Variants in PLD1 observed in about 807,000 individuals in gnomAD.
PLD1 encodes phospholipase D1, also known as choline phosphatase 1.
PLD1 carries 112 observed loss-of-function variants against 137.1 expected under a neutral mutation model. The ratio of observed to expected loss-of-function variants is 0.82; its 90% CI spans 0.70 to 0.96. PLD1 has a LOEUF of 0.96. Ranked by LOEUF, PLD1 falls within the 40% of genes least tolerant of loss-of-function variation. The pLI is 0.00. For synonymous variants in PLD1, 431 were observed against 454.7 expected, an observed-to-expected ratio of 0.95 and a Z score of 0.66; for missense variants, 1,321 against 1,342.0, an observed-to-expected ratio of 0.98 and a Z score of 0.24.
intron 1 of PLD1, among the ~76,000 whole-genome samples, chr3:171,802,507 C>T (rs1723688167): frequency 6.6e-6 from 1 of 152,022 alleles, no homozygotes; most frequent in Non-Finnish European, 1.5e-5. Context: ...GTGCTCCAGG[C>T]AGAGGGAATA....
At chr3:171,709,259 T>C (rs1170673201) in intron 10 of PLD1, among the ~76,000 whole-genome samples, 2 of 152,222 alleles carry the variant, frequency 1.3e-5, no homozygotes, top group African/African-American at 2.4e-5. Context: ...TTTCCTAAAT[T>C]AGGGGTAATG....
Position 171,623,080 on chromosome 3 carries a change from T to C in PLD1, c.2594-2560A>G, listed in dbSNP as rs189538569. On this transcript the variant is annotated intron_variant, in intron 23 of 26. Transcript: ENST00000351298. ...TTGCTCTTGTTCTGGGATAGAACAATTCACCATTAGAAATATGTCAACTCT... is the reference window on the plus strand; with the variant it reads ...TTGCTCTTGTTCTGGGATAGAACAACTCACCATTAGAAATATGTCAACTCT... Among the ~76,000 whole-genome samples, 256 of 152,156 alleles carry C rather than the reference T, an allele frequency of 1.7e-3. 3 individuals carry two copies. The highest frequency in any genetic ancestry group is 5.9e-3 in the African/African-American group (246 of 41,556).
chr3:171,616,542 T>C (rs57816375), intron 24 of PLD1, among the ~76,000 whole-genome samples: 11,901 of 152,202 alleles, frequency 0.078, 1,318 homozygotes, highest in African/African-American at 0.25. Flanking sequence ...GTGGACCCAA[T>C]ACAATCATAA....
At chr3:171,603,436 A>G in intron 26 of PLD1, 134 bp from the exon 27 acceptor site, 1 of 639,260 alleles carries the variant, frequency 1.6e-6, no homozygotes, top group Non-Finnish European at 2.7e-6. Context: ...TACAGCACAG[A>G]CCTGATTTAA....
chr3:171,746,877 A>C (rs1037034929), intron 1 of PLD1, among the ~76,000 whole-genome samples: 23 of 152,192 alleles, frequency 1.5e-4, no homozygotes, highest in African/African-American at 5.5e-4. Flanking sequence ...GGCCCCCTTC[A>C]ATACGGTGGA....
intron 19 of PLD1, among the ~76,000 whole-genome samples, chr3:171,662,736 C>T (rs1315762993): frequency 6.6e-6 from 1 of 152,182 alleles, no homozygotes; most frequent in Non-Finnish European, 1.5e-5. Flanking sequence ...AAAGGTAGGT[C>T]ATTTGGCATG....
chr3:171,624,750 G>C (rs1301543727), intron 23 of PLD1, among the ~76,000 whole-genome samples: 2 of 152,070 alleles, frequency 1.3e-5, no homozygotes, highest in Non-Finnish European at 2.9e-5. Context: ...GTGATTTCCA[G>C]GATATTCTGT....
At chr3:171,764,925 GAAAGAAAGGAAAGAAAGA>G (rs1721813956) in intron 1 of PLD1, among the ~76,000 whole-genome samples, 23 of 28,068 alleles carry the variant, frequency 8.2e-4, no homozygotes, top group African/African-American at 3.3e-3. Context: ...AGAAAGAAAG[GAAAGAAAGGAAAGAAAGA>G]AAGAAAGAAA....
chr3:171,692,592 C>T (rs1022097898), intron 12 of PLD1, 150 bp from the exon 13 acceptor site: 8 of 570,706 alleles, frequency 1.4e-5, no homozygotes, highest in East Asian at 3.0e-5. Context: ...GCAATCTCGG[C>T]TCACTGCAAC....
At chr3:171,712,780 G>C (rs1717372597) in intron 9 of PLD1, among the ~76,000 whole-genome samples, 1 of 152,202 alleles carries the variant, frequency 6.6e-6, no homozygotes, top group African/African-American at 2.4e-5. Flanking sequence ...AGTGAGAACT[G>C]TGGCCAGACT....
At chr3:171,623,832 G>A (rs934411405) in intron 23 of PLD1, among the ~76,000 whole-genome samples, 1 of 152,012 alleles carries the variant, frequency 6.6e-6, no homozygotes, top group Non-Finnish European at 1.5e-5. Flanking sequence ...CAGTTCCATA[G>A]CCACCTGAAA....
chr3:171,626,651 C>A (rs978336793), intron 23 of PLD1, among the ~76,000 whole-genome samples: 7 of 151,880 alleles, frequency 4.6e-5, no homozygotes, highest in Admixed American at 4.6e-4. Context: ...AACAGCGGAT[C>A]TCTCAGCAGA....
chr3:171,737,930 T>C lies in PLD1; in HGVS notation c.122A>G (p.Asp41Gly). Residue 41 changes from aspartate to glycine, a missense_variant, in exon 2 of 27, where the codon GAC (aspartate) becomes GGC (glycine). Transcript: ENST00000351298. ...RELHFEGEEV[D>G]YDVSPSDPKI... ...GGGATCGCTGGGAGACACGTCGTAG[T>C]CTACCTCCTCTCCCTCAAAGTGGAG... 1 of 1,614,064 alleles carries C rather than the reference T, an allele frequency of 6.2e-7. No homozygotes were observed. Among genetic ancestry groups the C allele is most frequent in the Non-Finnish European group, 8.5e-7 (1 of 1,179,970 alleles).
chr3:171,679,720 C>T (rs143791449), intron 16 of PLD1, among the ~76,000 whole-genome samples: 116 of 152,310 alleles, frequency 7.6e-4, no homozygotes, highest in African/African-American at 2.7e-3. Context: ...ATTCAACCTG[C>T]TCATAATTCA....
intron 1 of PLD1, among the ~76,000 whole-genome samples, chr3:171,757,431 G>A (rs1721104109): frequency 6.6e-6 from 1 of 152,042 alleles, no homozygotes; most frequent in Non-Finnish European, 1.5e-5. Flanking sequence ...TAGAAAAGAT[G>A]GACACAAAGC....
At chr3:171,767,959 G>GT (rs1722088656) in intron 1 of PLD1, among the ~76,000 whole-genome samples, 1 of 151,498 alleles carries the variant, frequency 6.6e-6, no homozygotes, top group South Asian at 2.1e-4. Context: ...AAAGAGAGGG[G>GT]GGCTGGGGCT....
chr3:171,658,810 A>C (rs1446882788), intron 21 of PLD1, among the ~76,000 whole-genome samples: 1 of 152,240 alleles, frequency 6.6e-6, no homozygotes, highest in Non-Finnish European at 1.5e-5. Flanking sequence ...CTATCTCAGC[A>C]AACCAATTAT....
At chr3:171,646,639 C>G (rs1736241306) in intron 21 of PLD1, among the ~76,000 whole-genome samples, 1 of 150,702 alleles carries the variant, frequency 6.6e-6, no homozygotes, top group Admixed American at 6.6e-5. Flanking sequence ...AGGCTCACAT[C>G]CCTAAATGGT....
chr3:171,720,495 A>G (rs1718045659), intron 8 of PLD1, among the ~76,000 whole-genome samples: 1 of 151,506 alleles, frequency 6.6e-6, no homozygotes, highest in Non-Finnish European at 1.5e-5. Flanking sequence ...AGGCAGGAGA[A>G]CGGCATGAAT....
Sources: gnomAD v4.1 joint callset for allele counts (sites outside exome capture counted in the v4.1 genomes callset) on GRCh38, gnomAD v4.1.1 for gene constraint, MANE v1.5 for transcripts, NCBI Gene and HGNC (gene_info 2026-07-23, HGNC 2026-07-21) for gene names.